DNAL1: variants seen among roughly 807,000 people sequenced by gnomAD.
The protein encoded by DNAL1 is chromosome 14 open reading frame 168.
Under a neutral mutation model 29.4 loss-of-function variants are expected in DNAL1, and 17 were observed. That is an observed-to-expected ratio of 0.58 (90% CI 0.40 to 0.87). DNAL1 has a LOEUF of 0.87. DNAL1 is among the 40% of genes least tolerant of loss of function. The pLI is 0.00. For missense variants in DNAL1, 188 were observed against 214.1 expected (o/e 0.88, Z 0.76); for synonymous variants, 78 against 76.3 (o/e 1.02, Z -0.12).
intron 6 of DNAL1, among the ~76,000 whole-genome samples, chr14:73,688,204 A>G (rs1293416802): frequency 6.6e-6 from 1 of 152,204 alleles, no homozygotes; most frequent in Non-Finnish European, 1.5e-5. Flanking sequence ...GTTATATGCG[A>G]TGAACTATAC....
At chr14:73,675,107 C>T (rs921299336) in intron 5 of DNAL1, among the ~76,000 whole-genome samples, 2 of 151,810 alleles carry the variant, frequency 1.3e-5, no homozygotes, top group Admixed American at 6.6e-5. Context: ...TGAGCCACCA[C>T]GCCTGGCTGA....
chr14:73,683,193 T>A (rs942112884), intron 5 of DNAL1, among the ~76,000 whole-genome samples: 3 of 152,160 alleles, frequency 2.0e-5, no homozygotes, highest in Non-Finnish European at 4.4e-5. Context: ...AGCTTTTTTT[T>A]AATAAGTAGA....
chr14:73,698,325 G>A lies in DNAL1; in HGVS notation c.*2383G>A, dbSNP rs974217601. On this transcript the variant is annotated 3_prime_UTR_variant, in exon 8 of 8. Transcript: ENST00000553645. ...GCCATTAGAAAATGGCAGTTGGGAT[G>A]TATGAAGAAATGTAGGATATTCTCT... 2.6e-5 allele frequency: 4 copies of A among 152,194 alleles called. No individual in the cohort carries two copies. Among genetic ancestry groups the A allele is most frequent in the African/African-American group, 7.2e-5 (3 of 41,444 alleles). The allele number at this position is 152,194 out of a possible 1,614,324, so 9.4% of individuals were successfully genotyped here.
At chr14:73,691,843 G>A (rs1187293155) in intron 7 of DNAL1, among the ~76,000 whole-genome samples, 1 of 98,390 alleles carries the variant, frequency 1.0e-5, no homozygotes, top group Non-Finnish European at 2.0e-5. Context: ...ACAGGCGTGC[G>A]CCACCCCCCC....
intron 1 of DNAL1, among the ~76,000 whole-genome samples, chr14:73,652,586 T>G (rs1266621766): frequency 6.6e-6 from 1 of 152,162 alleles, no homozygotes; most frequent in Admixed American, 6.5e-5. Flanking sequence ...CATTTTATAT[T>G]TTCAATTTGT....
At chr14:73,657,076 G>A (rs1276540019) in intron 2 of DNAL1, among the ~76,000 whole-genome samples, 2 of 151,840 alleles carry the variant, frequency 1.3e-5, no homozygotes, top group African/African-American at 4.8e-5. Context: ...GAGCCATTGT[G>A]CCCGGCCTAT....
At chr14:73,676,066 G>A (rs545684111) in intron 5 of DNAL1, among the ~76,000 whole-genome samples, 38 of 149,130 alleles carry the variant, frequency 2.5e-4, no homozygotes, top group African/African-American at 8.9e-4. Flanking sequence ...TTTTTGAGAC[G>A]GAGTCAAAAT....
At chr14:73,650,157 T>A (rs1595199125) in intron 1 of DNAL1, among the ~76,000 whole-genome samples, 1 of 152,088 alleles carries the variant, frequency 6.6e-6, no homozygotes, top group Non-Finnish European at 1.5e-5. Context: ...CTAATTTTTT[T>A]ATCTTTATTT....
rs4635279 is a variant in DNAL1 at position 73,668,014 on chromosome 14, G to A, written c.209-3528G>A. Among the ~76,000 whole-genome samples the A allele has an allele frequency of 5.9e-5, 9 of 151,928 alleles. 1 individual carries two copies. Among genetic ancestry groups the A allele is most frequent in the East Asian group, 3.9e-4 (2 of 5,182 alleles). On this transcript the variant is annotated intron_variant, in intron 4 of 7. Coordinates refer to ENST00000553645, the MANE Select transcript of DNAL1 (RefSeq NM_031427.4). ...CTTCCTTCATTCTCTCAGCTTATGC[G>A]GTCCTGCCTCAAAGCCTTTGTACTT...
rs182686658 is a variant in DNAL1 at position 73,700,332 on chromosome 14, G to A, written c.*4390G>A. ...AGTGTGACTGTACTCCAGCCTGGGTGACAGAGTAAGTCTCCGTCTCAAAAA... is the reference window on the plus strand; with the variant it reads ...AGTGTGACTGTACTCCAGCCTGGGTAACAGAGTAAGTCTCCGTCTCAAAAA... On this transcript the variant is annotated 3_prime_UTR_variant, in exon 8 of 8. Coordinates refer to ENST00000553645, the MANE Select transcript of DNAL1 (RefSeq NM_031427.4). 3 of 150,354 alleles carry A rather than the reference G, an allele frequency of 2.0e-5. No individual in the cohort carries two copies. In the East Asian group the frequency reaches 5.9e-4, roughly 30 times the overall value. The allele number at this position is 150,354 out of a possible 1,614,324, so 9.3% of individuals were successfully genotyped here.
chr14:73,671,512 A>G, intron 4 of DNAL1, 30 bp from the exon 5 acceptor site: 1 of 1,430,560 alleles, frequency 7.0e-7, no homozygotes, highest in Admixed American at 2.8e-5. Context: ...TGATTCTAGT[A>G]AACAAAAAAA....
chr14:73,675,923 G>C (rs1022613543), intron 5 of DNAL1, among the ~76,000 whole-genome samples: 1 of 152,002 alleles, frequency 6.6e-6, no homozygotes, highest in African/African-American at 2.4e-5. Flanking sequence ...GCTGAGACAG[G>C]AGAATCGCTT....
At chr14:73,654,790 A>G in intron 1 of DNAL1, 57 bp from the exon 2 acceptor site, 2 of 1,442,466 alleles carry the variant, frequency 1.4e-6, no homozygotes, top group African/African-American at 1.5e-5. Context: ...ACATACATAC[A>G]TTCATACATA....
chr14:73,700,591 ATTC>A lies in DNAL1; in HGVS notation c.*4650_*4652del, dbSNP rs1892412603. ...GGGCCCAGAAAGGTTGGAGTTAATCATTCACTTAAAAGCATTAGGAGGAAGTGT... is the reference window on the plus strand; with the variant it reads ...GGGCCCAGAAAGGTTGGAGTTAATCAACTTAAAAGCATTAGGAGGAAGTGT... On this transcript the variant is annotated 3_prime_UTR_variant, in exon 8 of 8. Coordinates refer to ENST00000553645, the MANE Select transcript of DNAL1 (RefSeq NM_031427.4). 1 of 152,242 alleles carries A rather than the reference ATTC, an allele frequency of 6.6e-6. No individual in the cohort carries two copies. The highest frequency in any genetic ancestry group is 2.1e-4 in the South Asian group (1 of 4,838). 9.4% of individuals were successfully genotyped at this position (152,242 alleles called of 1,614,324 possible).
chr14:73,695,788 C>A, intron 7 of DNAL1, 114 bp from the exon 8 acceptor site: 1 of 767,786 alleles, frequency 1.3e-6, no homozygotes, highest in Non-Finnish European at 2.0e-6. Flanking sequence ...CTCAGCCTCC[C>A]AAAGTGCTGG....
At chr14:73,670,350 A>T (rs1221969750) in intron 4 of DNAL1, among the ~76,000 whole-genome samples, 1 of 152,222 alleles carries the variant, frequency 6.6e-6, no homozygotes, top group Non-Finnish European at 1.5e-5. Flanking sequence ...TTTAAATTGT[A>T]ATTAATTTTA....
intron 6 of DNAL1, 108 bp from the exon 7 acceptor site, chr14:73,689,267 C>T (rs971025549): frequency 2.6e-5 from 33 of 1,289,518 alleles, no homozygotes; most frequent in Non-Finnish European, 3.2e-5. Context: ...CTCCTGATGT[C>T]GTGATCCGCC....
rs150007114 is a variant in DNAL1 at position 73,675,185 on chromosome 14, TTCTC to T, written c.264+3603_264+3606del. ...TTATTACCTGAAATTCTTGTTCTTG[TTCTC>T]TCTCTCTCTCTCTCACACACAAACA... On this transcript the variant is annotated intron_variant, in intron 5 of 7. Transcript: ENST00000553645. Among the ~76,000 whole-genome samples, 181 of 150,142 alleles carry T rather than the reference TTCTC, an allele frequency of 1.2e-3. 1 individual carries two copies. Among genetic ancestry groups the T allele is most frequent in the Admixed American group, 6.7e-3 (100 of 15,016 alleles).
At chr14:73,691,895 A>C (rs1248490890) in intron 7 of DNAL1, among the ~76,000 whole-genome samples, 1 of 134,826 alleles carries the variant, frequency 7.4e-6, no homozygotes. Context: ...ATGGGGTTTC[A>C]CCATGTTGGC....
Sources: allele counts gnomAD v4.1 joint callset (sites outside exome capture counted in the v4.1 genomes callset), GRCh38; gene constraint gnomAD v4.1.1; transcripts MANE v1.5; gene names NCBI Gene and HGNC (gene_info 2026-07-23, HGNC 2026-07-21).